CNOT11: variants seen among roughly 807,000 people sequenced by gnomAD.
CNOT11 encodes the protein CCR4-NOT transcription complex subunit 11, also known as UPF0760 protein C2orf29.
A neutral mutation model predicts 44.6 loss-of-function variants in CNOT11; 18 were observed. The ratio of observed to expected loss-of-function variants is 0.40; its 90% CI spans 0.28 to 0.60. The LOEUF (loss-of-function observed/expected upper bound fraction) is 0.60, where lower values mean the gene tolerates loss of function less well. CNOT11 is among the 20% of genes least tolerant of loss of function. The pLI is 0.38. For synonymous variants in CNOT11, 291 were observed against 270.9 expected (o/e 1.07, Z -0.73); for missense variants, 513 against 677.0 (o/e 0.76, Z 2.69).
intron 3 of CNOT11, among the ~76,000 whole-genome samples, chr2:101,263,296 G>A (rs540530435): frequency 1.3e-5 from 2 of 150,964 alleles, no homozygotes; most frequent in Non-Finnish European, 2.9e-5. Context: ...TTTTATACCT[G>A]TTAAATCTTC....
intron 1 of CNOT11, among the ~76,000 whole-genome samples, chr2:101,255,841 A>T (rs1030475387): frequency 6.6e-6 from 1 of 152,044 alleles, no homozygotes; most frequent in Non-Finnish European, 1.5e-5. Flanking sequence ...GGTATTATTA[A>T]AAAACTGGGT....
chr2:101,253,371 G>T lies in CNOT11; in HGVS notation c.407G>T (p.Arg136Leu), dbSNP rs1397382278. ...CTCTACCTGCTCTGGGAGATGTACC[G>T]CACCGAGCCGCTGGCCGCCAACCCC... ...TALYLLWEMY[R>L]TEPLAANPFA... Residue 136 changes from arginine (R) to leucine (L), a missense_variant, in exon 1 of 7, where the codon CGC becomes CTC. Transcript: ENST00000289382. This position sits in a 1 kb window ranked among gnomAD's most constrained non-coding sequence, Gnocchi z 4.3. The T allele has an allele frequency of 1.3e-6, 2 of 1,594,548 alleles. No homozygotes were observed. Among genetic ancestry groups the T allele is most frequent in the Non-Finnish European group, 1.7e-6 (2 of 1,176,858 alleles).
In CNOT11 at chr2:101,266,773, G is replaced by A. The variant is rs755356025; in HGVS notation, c.1132G>A (p.Ala378Thr). 2.5e-6 allele frequency: 4 copies of A among 1,613,830 alleles called. No homozygotes were observed. The highest frequency in any genetic ancestry group is 3.4e-6 in the Non-Finnish European group (4 of 1,179,914). The change falls in exon 5 of 7, where the codon GCT (alanine) becomes ACT (threonine). Residue 378 changes from alanine (A) to threonine (T), a missense_variant. Coordinates refer to ENST00000289382, the MANE Select transcript of CNOT11 (RefSeq NM_017546.5). ...PDLVENNPLV[A>T]IEMLLKLMQS... is the part of the protein sequence containing the mutation. ...CCTTGTGGAAAACAACCCTTTAGTC[G>A]CTATAGAAATGTTGCTGAAATTAAT... is the stretch of plus-strand genomic sequence containing the variant.
rs1452300907 is a variant in CNOT11 at position 101,266,826 on chromosome 2, C to T, written c.1185C>T (p.Phe395=). The T allele has an allele frequency of 5.6e-6, 9 of 1,613,898 alleles. No homozygotes were observed. Among genetic ancestry groups the T allele is most frequent in the African/African-American group, 1.3e-5 (1 of 74,928 alleles). ...AGTCAAGCCAGATCACTGAGTATTTCTCTGTCCTGGTCAATATGGACATGT... is the reference window on the plus strand; with the variant it reads ...AGTCAAGCCAGATCACTGAGTATTTTTCTGTCCTGGTCAATATGGACATGT... ...LMQSSQITEY[F]SVLVNMDMSL... Residue 395 remains phenylalanine (F), a synonymous_variant, in exon 5 of 7, where the codon TTC becomes TTT. Transcript: ENST00000289382.
chr2:101,269,262 G>A lies in CNOT11; in HGVS notation c.1382G>A (p.Arg461His), dbSNP rs1431230517. ...TGTGTGTTTCTCCAATCCTTGATCC[G>A]TAACAAAATTATTAATGTACAGGAT... ...LVCVFLQSLIRNKIINVQDLF... is the reference protein window; with the variant it reads ...LVCVFLQSLIHNKIINVQDLF... The change falls in exon 7 of 7, where the codon CGT becomes CAT. Residue 461 changes from arginine (R) to histidine (H), a missense_variant. This residue lies in a region of CNOT11 where 87 missense variants were observed against 185.4 expected (regional missense o/e 0.47). Coordinates refer to ENST00000289382, the MANE Select transcript of CNOT11 (RefSeq NM_017546.5). This position sits in a 1 kb window ranked among gnomAD's most constrained non-coding sequence, Gnocchi z 4.8. 2.5e-6 allele frequency: 4 copies of A among 1,613,218 alleles called. No individual in the cohort carries two copies. The highest frequency in any genetic ancestry group is 3.4e-6 in the Non-Finnish European group (4 of 1,179,876).
At position 101,253,521 on chromosome 2, in the gene CNOT11, T is replaced by A; in HGVS notation, c.514+43T>A. ...CTGTGCCGTGTGGATAGCGTTAGAT[T>A]CCGCAGCTTTCCACCTGCGCTGCTG... On this transcript the variant is annotated intron_variant, in intron 1 of 6. Coordinates refer to ENST00000289382, the MANE Select transcript of CNOT11 (RefSeq NM_017546.5). This position sits in a 1 kb window ranked among gnomAD's most constrained non-coding sequence, Gnocchi z 4.3. The A allele has an allele frequency of 7.2e-7, 1 of 1,387,406 alleles. No homozygotes were observed. The allele number at this position is 1,387,406 out of a possible 1,614,324, so 85.9% of individuals were successfully genotyped here.
rs555682821 is a variant in CNOT11 at position 101,269,613 on chromosome 2, AG to A, written c.*202del. On this transcript the variant is annotated 3_prime_UTR_variant, in exon 7 of 7. Coordinates refer to ENST00000289382, the MANE Select transcript of CNOT11 (RefSeq NM_017546.5). This position sits in a 1 kb window ranked among gnomAD's most constrained non-coding sequence, Gnocchi z 4.8. ...AAGAACTAGGGAAAACATGTCTTTTAGGTGTCTTGCTGATGACTATCCATAG... is the reference window on the plus strand; with the variant it reads ...AAGAACTAGGGAAAACATGTCTTTTAGTGTCTTGCTGATGACTATCCATAG... The A allele has an allele frequency of 9.1e-5, 43 of 471,874 alleles. No individual in the cohort carries two copies. In the East Asian group the frequency reaches 1.4e-3, roughly 15 times the overall value. The allele number at this position is 471,874 out of a possible 1,614,324, so 29.2% of individuals were successfully genotyped here.
In CNOT11 at chr2:101,262,931, A is replaced by G. The variant is rs562519547; in HGVS notation, c.832+240A>G. Reference sequence around the variant, plus strand: ...TTGCATGTCTATCCTATGCATACCTAAAGATACAGGCTGGGCGCAGTGGCT... The same window carrying G: ...TTGCATGTCTATCCTATGCATACCTGAAGATACAGGCTGGGCGCAGTGGCT... On this transcript the variant is annotated intron_variant, in intron 3 of 6. Transcript: ENST00000289382. Among the ~76,000 whole-genome samples, 3 of 152,258 alleles carry G rather than the reference A, an allele frequency of 2.0e-5. No homozygotes were observed. The East Asian group carries it at 5.8e-4, about 29-fold the overall frequency.
rs115694071 is a variant in CNOT11, at chr2:101,262,293, T to G, written c.680-246T>G. 2.0e-3 allele frequency: 861 copies of G among 433,354 alleles called. 6 individuals are homozygous for G. The highest frequency in any genetic ancestry group is 0.016 in the African/African-American group (796 of 51,344). 26.8% of individuals were successfully genotyped at this position (433,354 alleles called of 1,614,324 possible). A position where few individuals can be genotyped will look rare whatever the true frequency, so the allele number is the denominator to read the frequency against. ...GAATAACACTGTTTCATCAACATTG[T>G]TTTATTATAACATTGATAAAAATAG... On this transcript the variant is annotated intron_variant, in intron 2 of 6. Transcript: ENST00000289382.
At chr2:101,264,038 A>C (rs568495943) in intron 3 of CNOT11, among the ~76,000 whole-genome samples, 61 of 152,366 alleles carry the variant, frequency 4.0e-4, no homozygotes, top group Non-Finnish European at 6.9e-4. Flanking sequence ...ATGATTTTTA[A>C]CTAAAAAATA....
intron 2 of CNOT11, among the ~76,000 whole-genome samples, chr2:101,259,439 A>C (rs1362520374): frequency 6.6e-6 from 1 of 152,146 alleles, no homozygotes; most frequent in Non-Finnish European, 1.5e-5. Context: ...TAATAGGAGA[A>C]GGAGAACTGG....
rs1246795577 is a variant in CNOT11 at position 101,253,932 on chromosome 2, T to C, written c.514+454T>C. On this transcript the variant is annotated intron_variant, in intron 1 of 6. Transcript: ENST00000289382. This position sits in a 1 kb window ranked among gnomAD's most constrained non-coding sequence, Gnocchi z 4.3. ...TACACATGAAACACCTTAAAGACTTTGCAGCCGCCTTTCTTAGCCTGTTAG... is the reference window on the plus strand; with the variant it reads ...TACACATGAAACACCTTAAAGACTTCGCAGCCGCCTTTCTTAGCCTGTTAG... Among the ~76,000 whole-genome samples the C allele has an allele frequency of 3.3e-5, 5 of 152,204 alleles. No individual in the cohort carries two copies. The highest frequency in any genetic ancestry group is 7.3e-5 in the Non-Finnish European group (5 of 68,034).
In CNOT11 at chr2:101,269,623, C is replaced by A; in HGVS notation, c.*210C>A. ...GAAAACATGTCTTTTAGGTGTCTTG[C>A]TGATGACTATCCATAGGAGGAATGG... On this transcript the variant is annotated 3_prime_UTR_variant, in exon 7 of 7. Coordinates refer to ENST00000289382, the MANE Select transcript of CNOT11 (RefSeq NM_017546.5). This position sits in a 1 kb window ranked among gnomAD's most constrained non-coding sequence, Gnocchi z 4.8. 1 of 441,946 alleles carries A rather than the reference C, an allele frequency of 2.3e-6. No homozygotes were observed. The highest frequency in any genetic ancestry group is 5.5e-5 in the South Asian group (1 of 18,158). 27.4% of individuals were successfully genotyped at this position (441,946 alleles called of 1,614,324 possible).
intron 3 of CNOT11, among the ~76,000 whole-genome samples, chr2:101,262,948 G>A (rs779744517): frequency 1.5e-4 from 23 of 152,242 alleles, no homozygotes; most frequent in Non-Finnish European, 2.5e-4. Flanking sequence ...CAGGCTGGGC[G>A]CAGTGGCTCA....
chr2:101,269,471 T>A lies in CNOT11; in HGVS notation c.*58T>A. On this transcript the variant is annotated 3_prime_UTR_variant, in exon 7 of 7. Coordinates refer to ENST00000289382, the MANE Select transcript of CNOT11 (RefSeq NM_017546.5). This position sits in a 1 kb window ranked among gnomAD's most constrained non-coding sequence, Gnocchi z 4.8. ...TTCAGCTGTACTGTGATTTAGTTTT[T>A]ACACCGTTAAAACCCTGAGTGGATT... 6.8e-7 allele frequency: 1 copy of A among 1,474,034 alleles called. No homozygotes were observed. The highest frequency in any genetic ancestry group is 9.5e-7 in the Non-Finnish European group (1 of 1,058,090). The allele number at this position is 1,474,034 out of a possible 1,614,324, so 91.3% of individuals were successfully genotyped here. A position where few individuals can be genotyped will look rare whatever the true frequency, so the allele number is the denominator to read the frequency against.
chr2:101,267,545 G>C (rs1450856960), intron 5 of CNOT11, among the ~76,000 whole-genome samples: 2 of 152,124 alleles, frequency 1.3e-5, no homozygotes, highest in Non-Finnish European at 2.9e-5. Context: ...TAAGAGCTGA[G>C]AATCCTAGGA....
intron 2 of CNOT11, among the ~76,000 whole-genome samples, chr2:101,261,533 C>T (rs1681862869): frequency 6.6e-6 from 1 of 152,140 alleles, no homozygotes; most frequent in African/African-American, 2.4e-5. Flanking sequence ...AGTGTGTCTC[C>T]TAGATGGAAA....
chr2:101,255,584 A>G (rs1251253775), intron 1 of CNOT11, among the ~76,000 whole-genome samples: 1 of 151,882 alleles, frequency 6.6e-6, no homozygotes. Flanking sequence ...TAGAAGAGAA[A>G]ATATCAGTGC....
rs775773982 is a variant in CNOT11, at chr2:101,252,968, C to T, written c.4C>T (p.Pro2Ser). The change falls in exon 1 of 7, where the codon CCC (proline) becomes TCC (serine). Residue 2 changes from proline to serine, a missense_variant. This residue lies in a region of CNOT11 where 259 missense variants were observed against 265.7 expected (regional missense o/e 0.97). Transcript: ENST00000289382. M[P>S]GGGASAASGR... ...GAGGGGAAGGGGAGCGAGGTTGATGCCCGGCGGAGGGGCGAGCGCGGCGTC... is the reference window on the plus strand; with the variant it reads ...GAGGGGAAGGGGAGCGAGGTTGATGTCCGGCGGAGGGGCGAGCGCGGCGTC... 39 of 1,473,846 alleles carry T rather than the reference C, an allele frequency of 2.6e-5. No homozygotes were observed. The African/African-American group carries it at 5.0e-4, about 19-fold the overall frequency. 91.3% of individuals were successfully genotyped at this position (1,473,846 alleles called of 1,614,324 possible). A position where few individuals can be genotyped will look rare whatever the true frequency, so the allele number is the denominator to read the frequency against.
Sources: allele counts gnomAD v4.1 joint callset (sites outside exome capture counted in the v4.1 genomes callset), GRCh38; gene constraint gnomAD v4.1.1; regional missense constraint gnomAD v4.1.1; non-coding constraint Gnocchi (gnomAD v3.1); transcripts MANE v1.5; gene names NCBI Gene and HGNC (gene_info 2026-07-23, HGNC 2026-07-21).